Variants in ANKRD44 observed in about 807,000 individuals in gnomAD.
ANKRD44 encodes the protein ankyrin repeat domain 44.
A neutral mutation model predicts 116.0 loss-of-function variants in ANKRD44; 35 were observed. The observed-to-expected ratio is 0.30, with a 90% CI of 0.23 to 0.40. ANKRD44 has a LOEUF of 0.40. Among genes scored for constraint, ANKRD44 ranks in the 10% least tolerant of loss-of-function variants. The pLI is 1.00. For missense variants in ANKRD44, 1,014 were observed against 1,242.6 expected (o/e 0.82, Z 2.77); for synonymous variants, 435 against 461.8 (o/e 0.94, Z 0.74).
intron 2 of ANKRD44, among the ~76,000 whole-genome samples, chr2:197,151,300 T>C (rs2079643763): frequency 6.6e-6 from 1 of 152,004 alleles, no homozygotes. Flanking sequence ...CGTGGAAACG[T>C]TCACCATAAG....
At position 197,152,598 on chromosome 2, in the gene ANKRD44, G is replaced by C. The variant is rs182959460; in HGVS notation, c.112-5493C>G. Among the ~76,000 whole-genome samples the C allele has an allele frequency of 2.2e-3, 335 of 152,314 alleles. 2 individuals are homozygous for C. Among genetic ancestry groups the C allele is most frequent in the Non-Finnish European group, 1.9e-3 (131 of 68,028 alleles). Reference sequence around the variant, plus strand: ...GAGATCAGGCAGAGGAAGTTGAGCTGTCTGTTTACCAAAGAAGAAGCAGAT... The same window carrying C: ...GAGATCAGGCAGAGGAAGTTGAGCTCTCTGTTTACCAAAGAAGAAGCAGAT... On this transcript the variant is annotated intron_variant, in intron 2 of 27. Transcript: ENST00000282272.
chr2:197,089,966 T>C lies in ANKRD44; in HGVS notation c.1167A>G (p.Arg389=). 6.2e-7 allele frequency: 1 copy of C among 1,613,994 alleles called. No individual in the cohort carries two copies. Among genetic ancestry groups the C allele is most frequent in the Non-Finnish European group, 8.5e-7 (1 of 1,179,898 alleles). The change falls in exon 11 of 28, where the codon AGA becomes AGG. Residue 389 remains arginine, a synonymous_variant. Transcript: ENST00000282272. ...TTTACTTACCCGATGATAACAACTTTCTGCAGCAGTCAGAGTGAGCATTTA... is the reference window on the plus strand; with the variant it reads ...TTTACTTACCCGATGATAACAACTTCCTGCAGCAGTCAGAGTGAGCATTTA... ...AALNAHSDCC[R]KLLSSGFEID...
chr2:197,080,132 A>G (rs889181714), intron 15 of ANKRD44, among the ~76,000 whole-genome samples: 3 of 152,224 alleles, frequency 2.0e-5, no homozygotes, highest in African/African-American at 7.2e-5. Context: ...ATAACATGCT[A>G]GTGGACACAC....
At chr2:197,076,574 GT>G (rs1297363439) in intron 16 of ANKRD44, among the ~76,000 whole-genome samples, 3 of 152,196 alleles carry the variant, frequency 2.0e-5, no homozygotes, top group African/African-American at 4.8e-5. Context: ...TGTCATGGGG[GT>G]TTGCTGTACA....
At chr2:197,054,834 T>C (rs537965706) in intron 16 of ANKRD44, among the ~76,000 whole-genome samples, 4 of 152,320 alleles carry the variant, frequency 2.6e-5, no homozygotes, top group Non-Finnish European at 5.9e-5. Flanking sequence ...TGGTAGTGAA[T>C]GTTTAGAGGC....
intron 10 of ANKRD44, among the ~76,000 whole-genome samples, chr2:197,092,494 G>C (rs2078064480): frequency 6.6e-6 from 1 of 152,190 alleles, no homozygotes; most frequent in African/African-American, 2.4e-5. Context: ...ATTCAATTCT[G>C]ACAGCAATTA....
At position 197,054,072 on chromosome 2, in the gene ANKRD44, G is replaced by A. The variant is rs147105289; in HGVS notation, c.1650+24631C>T. ...ATAGATATCAGGTCACAACCTGGCC[G>A]GTTATAGGACATATTGAAGATACAA... On this transcript the variant is annotated intron_variant, in intron 16 of 27. Coordinates refer to ENST00000282272, the MANE Select transcript of ANKRD44 (RefSeq NM_001195144.2). Among the ~76,000 whole-genome samples, 229 of 152,260 alleles carry A rather than the reference G, an allele frequency of 1.5e-3. 1 individual carries two copies. Among genetic ancestry groups the A allele is most frequent in the African/African-American group, 5.0e-3 (208 of 41,554 alleles).
At chr2:197,266,806 T>C (rs1215093365) in intron 1 of ANKRD44, among the ~76,000 whole-genome samples, 1 of 151,920 alleles carries the variant, frequency 6.6e-6, no homozygotes, top group East Asian at 1.9e-4. Flanking sequence ...ATTCATAGAG[T>C]CAGTTTTGAG....
intron 3 of ANKRD44, 73 bp from the exon 4 acceptor site, chr2:197,136,735 G>C (rs554413295): frequency 2.4e-5 from 31 of 1,311,794 alleles, no homozygotes; most frequent in Non-Finnish European, 3.1e-5. Flanking sequence ...ATCAAATGCT[G>C]TATCTTGCTC....
At chr2:197,292,568 T>C (rs1164079420) in intron 1 of ANKRD44, among the ~76,000 whole-genome samples, 2 of 152,220 alleles carry the variant, frequency 1.3e-5, no homozygotes, top group African/African-American at 4.8e-5. Flanking sequence ...AGGAATTACA[T>C]CCTTTGTATC....
rs552953661 is a variant in ANKRD44, at chr2:196,989,729, A to G, written c.2924-80T>C. 152 of 1,533,480 alleles carry G rather than the reference A, an allele frequency of 9.9e-5. 2 individuals carry two copies. The South Asian group carries it at 1.8e-3, about 18-fold the overall frequency. 95.0% of individuals were successfully genotyped at this position (1,533,480 alleles called of 1,614,324 possible). On this transcript the variant is annotated intron_variant, in intron 27 of 27. Coordinates refer to ENST00000282272, the MANE Select transcript of ANKRD44 (RefSeq NM_001195144.2). ...ACTGGCAATCGGTTTTACATGCTAA[A>G]TCACCCATTTCTACTTTCTGCTTTC...
At chr2:197,308,251 A>G (rs1331078783) in intron 1 of ANKRD44, among the ~76,000 whole-genome samples, 1 of 152,120 alleles carries the variant, frequency 6.6e-6, no homozygotes, top group Non-Finnish European at 1.5e-5. Context: ...CTCCTGTACA[A>G]ACTCTAAGGC....
Position 197,125,856 on chromosome 2 carries a change from G to A in ANKRD44, c.443C>T (p.Ala148Val), listed in dbSNP as rs2078963289. 3 of 1,614,086 alleles carry A rather than the reference G, an allele frequency of 1.9e-6. No individual in the cohort carries two copies. In the African/African-American group the frequency reaches 4.0e-5, roughly 22 times the overall value. ...RGGRTALHHA[A>V]LNGHVEMVNL... ...ACCCACCTCCACGTGGCCGTTCAGA[G>A]CCGCATGGTGCAAGGCTGTGCGCCC... Residue 148 changes from alanine to valine, a missense_variant, in exon 5 of 28, where the codon GCT becomes GTT. Physicochemically the swap from Ala to Val is moderately conservative, Grantham distance 64. Transcript: ENST00000282272.
Position 197,000,560 on chromosome 2 carries a change from C to A in ANKRD44, c.2436-58G>T. 7 of 1,323,988 alleles carry A rather than the reference C, an allele frequency of 5.3e-6. 1 individual carries two copies. In the South Asian group the frequency reaches 8.3e-5, roughly 16 times the overall value. 82.0% of individuals were successfully genotyped at this position (1,323,988 alleles called of 1,614,324 possible). On this transcript the variant is annotated intron_variant, in intron 22 of 27. Transcript: ENST00000282272. The stretch of plus-strand genomic sequence containing the variant: ...TCACTCTTTTAAATTATATCACCTC[C>A]TAACCCATCTTCCTATGTACTGTAT...
intron 16 of ANKRD44, among the ~76,000 whole-genome samples, chr2:197,059,835 GT>G (rs1236025450): frequency 6.6e-6 from 1 of 152,142 alleles, no homozygotes; most frequent in Non-Finnish European, 1.5e-5. Flanking sequence ...ATGAAAACAG[GT>G]TCTCTGATAT....
intron 1 of ANKRD44, among the ~76,000 whole-genome samples, chr2:197,190,004 G>A (rs995892325): frequency 6.6e-6 from 1 of 152,162 alleles, no homozygotes; most frequent in Non-Finnish European, 1.5e-5. Flanking sequence ...CCAGAGAAGG[G>A]CGCCAGCACA....
At chr2:197,178,740 G>A (rs938208289) in intron 2 of ANKRD44, among the ~76,000 whole-genome samples, 1 of 152,084 alleles carries the variant, frequency 6.6e-6, no homozygotes, top group African/African-American at 2.4e-5. Flanking sequence ...CAAGATTGCA[G>A]AAATATTTTC....
At chr2:197,105,909 G>C (rs1218367385) in intron 9 of ANKRD44, among the ~76,000 whole-genome samples, 4 of 152,148 alleles carry the variant, frequency 2.6e-5, no homozygotes, top group African/African-American at 7.2e-5. Flanking sequence ...CCAGACTGCA[G>C]AGAAGTCTGC....
chr2:197,028,314 C>T (rs986183481), intron 16 of ANKRD44, among the ~76,000 whole-genome samples: 3 of 152,128 alleles, frequency 2.0e-5, no homozygotes, highest in Admixed American at 6.5e-5. Flanking sequence ...CCTTGAACTC[C>T]TGGGCTCAAG....
Sources: gnomAD v4.1 joint callset for allele counts (sites outside exome capture counted in the v4.1 genomes callset) on GRCh38, gnomAD v4.1.1 for gene constraint, MANE v1.5 for transcripts, NCBI Gene and HGNC (gene_info 2026-07-23, HGNC 2026-07-21) for gene names.